Variants in SHROOM3 observed in about 807,000 individuals in gnomAD.
SHROOM3 encodes the protein protein Shroom3.
In SHROOM3, 47 loss-of-function variants were observed where a neutral mutation model predicts 138.6. That is an observed-to-expected ratio of 0.34 (90% CI 0.27 to 0.43). The LOEUF (loss-of-function observed/expected upper bound fraction) is 0.43, where lower values mean the gene tolerates loss of function less well. Ranked by LOEUF, SHROOM3 falls within the 20% of genes least tolerant of loss-of-function variation. The pLI, the probability that SHROOM3 is intolerant of heterozygous loss-of-function variation, is 1.00. For missense variants in SHROOM3, 2,491 were observed against 2,596.5 expected, an observed-to-expected ratio of 0.96 and a Z score of 0.88; for synonymous variants, 1,062 against 1,063.3, an observed-to-expected ratio of 1.00 and a Z score of 0.02.
At chr4:76,606,078 ATC>A (rs1213188694) in intron 2 of SHROOM3, among the ~76,000 whole-genome samples, 2 of 138,086 alleles carry the variant, frequency 1.4e-5, no homozygotes, top group Non-Finnish European at 3.0e-5. Flanking sequence ...CAGTGGTGCA[ATC>A]TCGGCTCACT....
At chr4:76,682,106 T>C (rs561377268) in intron 2 of SHROOM3, among the ~76,000 whole-genome samples, 4 of 152,322 alleles carry the variant, frequency 2.6e-5, no homozygotes, top group East Asian at 1.9e-4. Flanking sequence ...CTGGCTCTAA[T>C]TGAGTATTCT....
rs757985374 is a variant in SHROOM3, at chr4:76,740,076, A to T, written c.1903A>T (p.Asn635Tyr). Residue 635 changes from asparagine (N) to tyrosine (Y), a missense_variant, in exon 5 of 11, where the codon AAT (asparagine) becomes TAT (tyrosine). By Grantham distance (143) the Asn-to-Tyr change is moderately radical (BLOSUM62 -2). Coordinates refer to ENST00000296043, the MANE Select transcript of SHROOM3 (RefSeq NM_020859.4). The surrounding 1 kb of genome is among the most constrained non-coding windows in gnomAD (Gnocchi z 4.0). ...GGAGGGCGATTTCCAGGAAGACCAC[A>T]ATGCCAACCTCTGGAGGAGGCTGGA... ...PWEGDFQEDH[N>Y]ANLWRRLERE... 2 of 1,613,658 alleles carry T rather than the reference A, an allele frequency of 1.2e-6. No individual in the cohort carries two copies. The highest frequency in any genetic ancestry group is 2.7e-5 in the African/African-American group (2 of 74,944).
chr4:76,676,579 C>T (rs9995595), intron 2 of SHROOM3, among the ~76,000 whole-genome samples: 30,844 of 151,828 alleles, frequency 0.2, 3,434 homozygotes, highest in East Asian at 0.35. Context: ...TTTTGCAGGT[C>T]CTGGGAGGTT....
At position 76,738,615 on chromosome 4, in the gene SHROOM3, G is replaced by A. The variant is rs538232456; in HGVS notation, c.588-146G>A. 8.2e-6 allele frequency: 7 copies of A among 857,754 alleles called. No individual in the cohort carries two copies. The Admixed American group carries it at 1.1e-4, about 13-fold the overall frequency. 53.1% of individuals were successfully genotyped at this position (857,754 alleles called of 1,614,324 possible). ...TAGCGATGACACAGAAGGAGGCTGA[G>A]CAAGGCCCAAATATGGCCCTTTTTA... is the stretch of plus-strand genomic sequence containing the variant. On this transcript the variant is annotated intron_variant, in intron 4 of 10. Coordinates refer to ENST00000296043, the MANE Select transcript of SHROOM3 (RefSeq NM_020859.4).
At chr4:76,774,741 T>C (rs1263163227) in intron 10 of SHROOM3, among the ~76,000 whole-genome samples, 4 of 149,636 alleles carry the variant, frequency 2.7e-5, no homozygotes, top group African/African-American at 9.8e-5. Context: ...TTTTAAGGTA[T>C]GTTTTTCTGC....
chr4:76,579,130 G>A (rs1001096010), intron 2 of SHROOM3, among the ~76,000 whole-genome samples: 12 of 152,146 alleles, frequency 7.9e-5, no homozygotes, highest in South Asian at 4.1e-4. Flanking sequence ...CATGAGTCGA[G>A]GTTGTGCCAC....
At chr4:76,572,711 G>A (rs1733857065) in intron 2 of SHROOM3, among the ~76,000 whole-genome samples, 1 of 152,170 alleles carries the variant, frequency 6.6e-6, no homozygotes, top group South Asian at 2.1e-4. Flanking sequence ...CAGTGTACGG[G>A]TTTGCCCCTT....
At chr4:76,568,801 C>CT (rs1184730420) in intron 2 of SHROOM3, among the ~76,000 whole-genome samples, 2 of 152,212 alleles carry the variant, frequency 1.3e-5, no homozygotes, top group Non-Finnish European at 2.9e-5. Flanking sequence ...CCTCCTACCC[C>CT]TCAGGGAGCA....
At chr4:76,733,582 T>G (rs1720945967) in intron 4 of SHROOM3, among the ~76,000 whole-genome samples, 1 of 152,158 alleles carries the variant, frequency 6.6e-6, no homozygotes, top group Admixed American at 6.5e-5. Context: ...TTGACCCCCA[T>G]GCTGAGTTCC....
chr4:76,778,763 C>T, intron 10 of SHROOM3, 46 bp from the exon 11 acceptor site: 2 of 1,611,580 alleles, frequency 1.2e-6, no homozygotes, highest in East Asian at 4.5e-5. Context: ...TGGCTCTTTT[C>T]TCCCTTTCCC....
intron 5 of SHROOM3, among the ~76,000 whole-genome samples, chr4:76,744,735 A>G (rs921572177): frequency 6.6e-6 from 1 of 152,302 alleles, no homozygotes; most frequent in East Asian, 1.9e-4. Context: ...TTAAAACCAC[A>G]ATGTGGAGTG....
chr4:76,657,286 G>T (rs377178490), intron 2 of SHROOM3, among the ~76,000 whole-genome samples: 2 of 152,054 alleles, frequency 1.3e-5, no homozygotes, highest in African/African-American at 4.8e-5. Context: ...ATGTAAGGCC[G>T]TTGATAGATG....
At chr4:76,521,646 C>G (rs1433229320) in intron 1 of SHROOM3, among the ~76,000 whole-genome samples, 2 of 152,070 alleles carry the variant, frequency 1.3e-5, no homozygotes, top group African/African-American at 4.8e-5. Flanking sequence ...TCATTGTGCC[C>G]CAGTGATGCC....
intron 1 of SHROOM3, among the ~76,000 whole-genome samples, chr4:76,480,401 A>C (rs1321447684): frequency 6.6e-6 from 1 of 152,242 alleles, no homozygotes; most frequent in Non-Finnish European, 1.5e-5. Context: ...AAGGCATTAC[A>C]TAATGGTAAA....
intron 1 of SHROOM3, among the ~76,000 whole-genome samples, chr4:76,464,918 A>C (rs1235359276): frequency 6.6e-6 from 1 of 152,140 alleles, no homozygotes; most frequent in East Asian, 1.9e-4. Flanking sequence ...CTCTTCATAA[A>C]TTACCCAATC....
At chr4:76,648,968 A>T (rs1301358247) in intron 2 of SHROOM3, among the ~76,000 whole-genome samples, 2 of 141,904 alleles carry the variant, frequency 1.4e-5, no homozygotes, top group Admixed American at 7.1e-5. Context: ...TTGATTAAAT[A>T]AAAAAAGGAG....
Position 76,552,914 on chromosome 4 carries a change from G to A in SHROOM3, c.169-2695G>A, listed in dbSNP as rs966229169. ...TATCCATTGGCATGTGACCCAGATCGAGCCTTATTTTCCTGTTTCCAAAGC... is the reference window on the plus strand; with the variant it reads ...TATCCATTGGCATGTGACCCAGATCAAGCCTTATTTTCCTGTTTCCAAAGC... On this transcript the variant is annotated intron_variant, in intron 1 of 10. Transcript: ENST00000296043. 2.6e-5 allele frequency among the ~76,000 whole-genome samples: 4 copies of A among 151,968 alleles called. No homozygotes were observed. In the East Asian group the frequency reaches 5.8e-4, roughly 22 times the overall value.
intron 1 of SHROOM3, among the ~76,000 whole-genome samples, chr4:76,503,986 T>G (rs1353359130): frequency 6.6e-6 from 1 of 152,056 alleles, no homozygotes; most frequent in African/African-American, 2.4e-5. Flanking sequence ...GGTCTTGGCT[T>G]TATCCCCACA....
chr4:76,509,199 G>T (rs1252216027), intron 1 of SHROOM3: 1 of 151,418 alleles, frequency 6.6e-6, no homozygotes, highest in Non-Finnish European at 1.5e-5. Flanking sequence ...TATTATAAAT[G>T]GAATTTTTTT....
Sources: allele counts gnomAD v4.1 joint callset (sites outside exome capture counted in the v4.1 genomes callset), GRCh38; gene constraint gnomAD v4.1.1; non-coding constraint Gnocchi (gnomAD v3.1); transcripts MANE v1.5; gene names NCBI Gene and HGNC (gene_info 2026-07-23, HGNC 2026-07-21).